The following PCDHGB3 variants were observed in gnomAD, a reference collection of about 807,000 sequenced individuals.
The protein encoded by PCDHGB3 is protocadherin gamma-B3.
In PCDHGB3, 40 loss-of-function variants were observed where a neutral mutation model predicts 59.2. The ratio of observed to expected loss-of-function variants is 0.68; its 90% CI spans 0.52 to 0.88. The LOEUF (loss-of-function observed/expected upper bound fraction) is 0.88, where lower values mean the gene tolerates loss of function less well. Ranked by LOEUF, PCDHGB3 falls within the 40% of genes least tolerant of loss-of-function variation. The probability of loss-of-function intolerance (pLI) is 0.00; values close to 1 mark genes in which losing one functional copy is unlikely to be tolerated. For synonymous variants in PCDHGB3, 581 were observed against 503.6 expected (o/e 1.15, Z -2.06); for missense variants, 1,309 against 1,187.9 (o/e 1.10, Z -1.50).
intron 1 of PCDHGB3, chr5:141,418,464 G>A: frequency 3.7e-6 from 6 of 1,614,010 alleles, no homozygotes; most frequent in Non-Finnish European, 5.1e-6. Flanking sequence ...ACTCTGGACC[G>A]AGAAACGCAG....
At chr5:141,393,142 T>C in intron 1 of PCDHGB3, 1 of 1,613,286 alleles carries the variant, frequency 6.2e-7, no homozygotes, top group Non-Finnish European at 8.5e-7. Flanking sequence ...AACACCCTGG[T>C]TGAGGATAAA....
At chr5:141,378,598 G>C (rs1374032317) in intron 1 of PCDHGB3, 4 of 152,136 alleles carry the variant, frequency 2.6e-5, no homozygotes, top group Admixed American at 6.5e-5. Context: ...TCTGCTTACA[G>C]GACATATCTC....
At chr5:141,374,798 A>T in intron 1 of PCDHGB3, 1 of 1,613,784 alleles carries the variant, frequency 6.2e-7, no homozygotes, top group Non-Finnish European at 8.5e-7. Flanking sequence ...GAATGACAAC[A>T]CTCCAATGTT....
intron 1 of PCDHGB3, chr5:141,374,905 CG>C: frequency 6.2e-7 from 1 of 1,613,734 alleles, no homozygotes; most frequent in Non-Finnish European, 8.5e-7. Flanking sequence ...AAGGAGTCCA[CG>C]GGGAAGTAAC....
intron 1 of PCDHGB3, chr5:141,395,163 G>A: frequency 6.2e-7 from 1 of 1,614,160 alleles, no homozygotes; most frequent in Middle Eastern, 1.6e-4. Flanking sequence ...CAGTCAGGAG[G>A]GCTGTGAGAA....
intron 1 of PCDHGB3, among the ~76,000 whole-genome samples, chr5:141,483,393 C>T (rs1475344614): frequency 6.6e-6 from 1 of 152,080 alleles, no homozygotes; most frequent in Admixed American, 6.5e-5. Flanking sequence ...TTGATAAATG[C>T]TTGAACCAGC....
At chr5:141,400,929 A>G (rs1179035412) in intron 1 of PCDHGB3, among the ~76,000 whole-genome samples, 2 of 152,214 alleles carry the variant, frequency 1.3e-5, no homozygotes, top group Non-Finnish European at 2.9e-5. Flanking sequence ...CTGCTAGTAG[A>G]TGTCTTTCTT....
rs544860780 is a variant in PCDHGB3 at position 141,406,543 on chromosome 5, C to G, written c.2415+33734C>G. On this transcript the variant is annotated intron_variant, in intron 1 of 3. Transcript: ENST00000576222. ...AGATATTTTCTGACGAAGATTCAAA[C>G]TTCAGTTATCCACTTCCAAACCCTA... is the stretch of plus-strand genomic sequence containing the variant. Among the ~76,000 whole-genome samples, 16 of 152,288 alleles carry G rather than the reference C, an allele frequency of 1.1e-4. 1 individual carries two copies. The South Asian group carries it at 2.9e-3, about 28-fold the overall frequency.
rs761350249 is a variant in PCDHGB3 at position 141,418,909 on chromosome 5, G to A, written c.2415+46100G>A. Reference sequence around the variant, plus strand: ...ACAACAGCCCAGAAATAATCATCACGTCACTCTCTGATCAGATTATGGAGG... The same window carrying A: ...ACAACAGCCCAGAAATAATCATCACATCACTCTCTGATCAGATTATGGAGG... On this transcript the variant is annotated intron_variant, in intron 1 of 3. Coordinates refer to ENST00000576222, the MANE Select transcript of PCDHGB3 (RefSeq NM_018924.5). The A allele has an allele frequency of 1.9e-6, 3 of 1,613,906 alleles. No homozygotes were observed. In the Admixed American group the frequency reaches 5.0e-5, roughly 27 times the overall value.
chr5:141,476,613 G>T lies in PCDHGB3; in HGVS notation c.2416-18194G>T. On this transcript the variant is annotated intron_variant, in intron 1 of 3. Coordinates refer to ENST00000576222, the MANE Select transcript of PCDHGB3 (RefSeq NM_018924.5). The surrounding 1 kb of genome is among the most constrained non-coding windows in gnomAD (Gnocchi z 7.6). ...AGCGCGCACGATCCCGATGTGGGAA[G>T]CAACTCTTTACAAACCTATGAGCTG... 2 of 1,614,266 alleles carry T rather than the reference G, an allele frequency of 1.2e-6. No homozygotes were observed. The highest frequency in any genetic ancestry group is 2.7e-5 in the African/African-American group (2 of 75,078).
chr5:141,438,811 G>T (rs2098067148), intron 1 of PCDHGB3, among the ~76,000 whole-genome samples: 1 of 149,790 alleles, frequency 6.7e-6, no homozygotes, highest in East Asian at 2.0e-4. Context: ...ACAGGCGCCT[G>T]TCACCATGCC....
chr5:141,435,059 G>A (rs2097741198), intron 1 of PCDHGB3, among the ~76,000 whole-genome samples: 1 of 152,042 alleles, frequency 6.6e-6, no homozygotes, highest in Non-Finnish European at 1.5e-5. Context: ...CCATGCAGCA[G>A]TTTTGTGTAG....
intron 1 of PCDHGB3, chr5:141,441,662 C>T: frequency 3.8e-6 from 1 of 260,740 alleles, no homozygotes; most frequent in Non-Finnish European, 7.7e-6. Flanking sequence ...TGTCCTTGAG[C>T]GCACAGTGCG....
intron 1 of PCDHGB3, chr5:141,403,387 C>T: frequency 6.2e-7 from 1 of 1,614,042 alleles, no homozygotes; most frequent in Non-Finnish European, 8.5e-7. Context: ...TTAACGAAAT[C>T]GCGGTTCCTG....
At chr5:141,375,105 A>G (rs371346343) in intron 1 of PCDHGB3, 56 of 1,613,840 alleles carry the variant, frequency 3.5e-5, no homozygotes, top group East Asian at 3.1e-4. Context: ...TTGGATGTCA[A>G]TGATAATGTA....
Sources: allele counts gnomAD v4.1 joint callset (sites outside exome capture counted in the v4.1 genomes callset), GRCh38; gene constraint gnomAD v4.1.1; non-coding constraint Gnocchi (gnomAD v3.1); transcripts MANE v1.5; gene names NCBI Gene and HGNC (gene_info 2026-07-23, HGNC 2026-07-21).